Variants in GOLGA3 observed in about 807,000 individuals in gnomAD.
GOLGA3 encodes the protein golgin A3, also known as golgin subfamily A member 3.
Under a neutral mutation model 169.4 loss-of-function variants are expected in GOLGA3, and 75 were observed. That is an observed-to-expected ratio of 0.44 (90% CI 0.37 to 0.54). The LOEUF (loss-of-function observed/expected upper bound fraction) is 0.54, where lower values mean the gene tolerates loss of function less well. GOLGA3 is among the 20% of genes least tolerant of loss of function. The pLI is 0.00. For synonymous variants in GOLGA3, 824 were observed against 822.4 expected (o/e 1.00, Z -0.03); for missense variants, 1,899 against 1,930.0 (o/e 0.98, Z 0.30).
intron 2 of GOLGA3, among the ~76,000 whole-genome samples, chr12:132,817,776 G>C (rs376301562): frequency 0.061 from 4 of 66 alleles, 1 homozygote; most frequent in East Asian, 1. Flanking sequence ...AGGTGAACCC[G>C]CCCTCCACTC....
intron 2 of GOLGA3, among the ~76,000 whole-genome samples, chr12:132,821,085 A>G (rs1950186447): frequency 7.6e-6 from 1 of 131,142 alleles, no homozygotes; most frequent in Non-Finnish European, 1.6e-5. Flanking sequence ...GGGCGACAGA[A>G]CAGGACACCG....
chr12:132,796,157 G>C lies in GOLGA3; in HGVS notation c.2164C>G (p.Leu722Val), dbSNP rs769643549. ...LEALQQEHLD[L>V]MKQLTLTQEA... ...TGAGTCAAGGTGAGCTGTTTCATCA[G>C]GTCCAGGTGCTCCTGCTGCAAAGCC... Residue 722 changes from leucine (L) to valine (V), a missense_variant, in exon 11 of 24, where the codon CTG (leucine) becomes GTG (valine). Coordinates refer to ENST00000450791, the MANE Select transcript of GOLGA3 (RefSeq NM_001389683.1). 2.2e-5 allele frequency: 36 copies of C among 1,607,774 alleles called. No homozygotes were observed. Among genetic ancestry groups the C allele is most frequent in the Non-Finnish European group, 2.9e-5 (34 of 1,175,868 alleles).
In GOLGA3 at chr12:132,804,775, T is replaced by C. The variant is rs755500953; in HGVS notation, c.1538A>G (p.Gln513Arg). The C allele has an allele frequency of 2.5e-6, 4 of 1,614,130 alleles. No homozygotes were observed. In the East Asian group the frequency reaches 6.7e-5, roughly 27 times the overall value. The change falls in exon 7 of 24, where the codon CAG (glutamine) becomes CGG (arginine). Residue 513 changes from glutamine to arginine, a missense_variant. By Grantham distance (43) the Gln-to-Arg change is conservative. Transcript: ENST00000450791. This position sits in a 1 kb window ranked among gnomAD's most constrained non-coding sequence, Gnocchi z 4.1. ...NDLQVAEEQY[Q>R]RLMAKVEDMQ... Reference sequence around the variant, plus strand: ...GTCCTCTACCTTGGCCATAAGCCTCTGGTACTGCTCCTCGGCCACCTGCAA... The same window carrying C: ...GTCCTCTACCTTGGCCATAAGCCTCCGGTACTGCTCCTCGGCCACCTGCAA...
In GOLGA3 at chr12:132,822,276, A is replaced by G. The variant is rs907729033; in HGVS notation, c.-148T>C. On this transcript the variant is annotated 5_prime_UTR_variant, in exon 2 of 24. Transcript: ENST00000450791. ...TCAGGAGAAGATCTGATGACTCACAAATGACTTGATGTCAAACCAGCTAAT... is the reference window on the plus strand; with the variant it reads ...TCAGGAGAAGATCTGATGACTCACAGATGACTTGATGTCAAACCAGCTAAT... The G allele has an allele frequency of 1.4e-6, 2 of 1,392,014 alleles. No individual in the cohort carries two copies. The highest frequency in any genetic ancestry group is 1.9e-6 in the Non-Finnish European group (2 of 1,079,268). The allele number at this position is 1,392,014 out of a possible 1,614,324, so 86.2% of individuals were successfully genotyped here.
At chr12:132,782,099 G>A (rs553357772) in intron 17 of GOLGA3, among the ~76,000 whole-genome samples, 197 bp downstream of exon 17, 5 of 151,858 alleles carry the variant, frequency 3.3e-5, no homozygotes, top group South Asian at 2.1e-4. Context: ...TCCTCCCCTC[G>A]GAGAGCCCAG....
intron 21 of GOLGA3, among the ~76,000 whole-genome samples, chr12:132,776,030 C>T (rs1593222910): frequency 6.6e-6 from 1 of 152,260 alleles, no homozygotes. Flanking sequence ...GGTGGCTTTG[C>T]GAGCGCCCCA....
rs557442235 is a variant in GOLGA3 at position 132,800,051 on chromosome 12, T to C, written c.1801-1574A>G. On this transcript the variant is annotated intron_variant, in intron 8 of 23. Transcript: ENST00000450791. ...CTACTGCACCTGGCCCAAACTATAC[T>C]TCTAAAATACACCTGGCTTGGCCTA... 1.2e-4 allele frequency among the ~76,000 whole-genome samples: 18 copies of C among 152,320 alleles called. No individual in the cohort carries two copies. In the South Asian group the frequency reaches 3.7e-3, roughly 32 times the overall value.
Position 132,822,281 on chromosome 12 carries a change from C to T in GOLGA3, c.-153G>A, listed in dbSNP as rs1950252799. 1 of 1,385,366 alleles carries T rather than the reference C, an allele frequency of 7.2e-7. No individual in the cohort carries two copies. The highest frequency in any genetic ancestry group is 9.3e-7 in the Non-Finnish European group (1 of 1,075,804). The allele number at this position is 1,385,366 out of a possible 1,614,324, so 85.8% of individuals were successfully genotyped here. On this transcript the variant is annotated 5_prime_UTR_variant, in exon 2 of 24. Transcript: ENST00000450791. The stretch of plus-strand genomic sequence containing the variant: ...AGAAGATCTGATGACTCACAAATGA[C>T]TTGATGTCAAACCAGCTAATATCAT...
chr12:132,782,343 T>C lies in GOLGA3; in HGVS notation c.3418A>G (p.Thr1140Ala). The part of the protein sequence containing the change: ...ALREHNSILE[T>A]ALAKREADLV... The stretch of plus-strand genomic sequence containing the variant: ...TCTGCCTCCCTCTTGGCCAAAGCTG[T>C]TTCTAGGATGCTGTTGTGTTCCCGC... Residue 1140 changes from threonine to alanine, a missense_variant, in exon 17 of 24, where the codon ACA becomes GCA. Thr to Ala is a moderately conservative substitution (Grantham distance 58). Transcript: ENST00000450791. 6.2e-7 allele frequency: 1 copy of C among 1,614,214 alleles called. No homozygotes were observed. Among genetic ancestry groups the C allele is most frequent in the South Asian group, 1.1e-5 (1 of 91,082 alleles).
chr12:132,800,336 A>G (rs375281628), intron 8 of GOLGA3, among the ~76,000 whole-genome samples: 1 of 152,096 alleles, frequency 6.6e-6, no homozygotes, highest in East Asian at 1.9e-4. Context: ...TCTCCTAAAA[A>G]TACAAAAATT....
At chr12:132,807,480 C>G (rs890277420) in intron 5 of GOLGA3, among the ~76,000 whole-genome samples, 192 bp from the exon 6 acceptor site, 12 of 152,192 alleles carry the variant, frequency 7.9e-5, no homozygotes, top group Non-Finnish European at 1.6e-4. Flanking sequence ...TGGCACCTCA[C>G]GCAGTGGGAA....
intron 9 of GOLGA3, among the ~76,000 whole-genome samples, chr12:132,797,166 G>A (rs927010783): frequency 6.6e-6 from 1 of 152,194 alleles, no homozygotes; most frequent in Non-Finnish European, 1.5e-5. Flanking sequence ...AGCCCTTGAA[G>A]CACTATGGCT....
intron 1 of GOLGA3, 108 bp from the exon 2 acceptor site, chr12:132,822,419 C>T: frequency 1.7e-6 from 1 of 596,032 alleles, no homozygotes. Flanking sequence ...GAAACAAATA[C>T]AAACTTTTTC....
At chr12:132,822,565 A>C (rs1284464902) in intron 1 of GOLGA3, among the ~76,000 whole-genome samples, 1 of 152,258 alleles carries the variant, frequency 6.6e-6, no homozygotes, top group Non-Finnish European at 1.5e-5. Flanking sequence ...CTGCTGGGAC[A>C]GCGCAGCTCT....
intron 17 of GOLGA3, among the ~76,000 whole-genome samples, chr12:132,781,337 G>A (rs529640596): frequency 3.3e-5 from 5 of 152,164 alleles, no homozygotes; most frequent in Non-Finnish European, 5.9e-5. Flanking sequence ...CGAGGCAGGC[G>A]GATGACAGTC....
chr12:132,825,491 G>T (rs1950374256), intron 1 of GOLGA3, among the ~76,000 whole-genome samples: 1 of 152,238 alleles, frequency 6.6e-6, no homozygotes, highest in African/African-American at 2.4e-5. Context: ...CTTCAGTTCT[G>T]CTGATTCTGC....
intron 11 of GOLGA3, among the ~76,000 whole-genome samples, chr12:132,792,247 G>A (rs1436216110): frequency 6.6e-6 from 1 of 152,236 alleles, no homozygotes; most frequent in African/African-American, 2.4e-5. Context: ...GAGTGGCAGG[G>A]AGGTGGGAGA....
At chr12:132,809,108 T>C (rs1343111068) in intron 4 of GOLGA3, among the ~76,000 whole-genome samples, 1 of 152,204 alleles carries the variant, frequency 6.6e-6, no homozygotes, top group Non-Finnish European at 1.5e-5. Context: ...ACGTGTCCAC[T>C]GGACGGGGGC....
rs977569492 is a variant in GOLGA3, at chr12:132,769,337, C to G, written c.*3768G>C. 6.6e-6 allele frequency: 1 copy of G among 152,258 alleles called. No homozygotes were observed. Among genetic ancestry groups the G allele is most frequent in the Non-Finnish European group, 1.5e-5 (1 of 68,052 alleles). The allele number at this position is 152,258 out of a possible 1,614,324, so 9.4% of individuals were successfully genotyped here. On this transcript the variant is annotated 3_prime_UTR_variant, in exon 24 of 24. Transcript: ENST00000450791. ...TCCTAGAATCTTCACGTACAACATT[C>G]TGTTTTTGTTTTTAAAGACCTCAGG...
Sources: gnomAD v4.1 joint callset for allele counts (sites outside exome capture counted in the v4.1 genomes callset) on GRCh38, gnomAD v4.1.1 for gene constraint, Gnocchi (gnomAD v3.1) non-coding constraint, MANE v1.5 for transcripts, NCBI Gene and HGNC (gene_info 2026-07-23, HGNC 2026-07-21) for gene names.